Variants in CDH13 observed in about 807,000 individuals in gnomAD.
CDH13 encodes cadherin 13.
A neutral mutation model predicts 63.8 loss-of-function variants in CDH13; 24 were observed. The ratio of observed to expected loss-of-function variants is 0.38; its 90% CI spans 0.27 to 0.53. The LOEUF (loss-of-function observed/expected upper bound fraction) is 0.53, where lower values mean the gene tolerates loss of function less well. Among genes scored for constraint, CDH13 ranks in the 20% least tolerant of loss-of-function variants. The probability of loss-of-function intolerance (pLI) is 0.85; values close to 1 mark genes in which losing one functional copy is unlikely to be tolerated. For missense variants in CDH13, 1,049 were observed against 903.1 expected, an observed-to-expected ratio of 1.16 and a Z score of -2.07; for synonymous variants, 503 against 355.3, an observed-to-expected ratio of 1.42 and a Z score of -4.67.
intron 10 of CDH13, among the ~76,000 whole-genome samples, chr16:83,738,037 G>A (rs989431351): frequency 6.6e-6 from 1 of 152,196 alleles, no homozygotes; most frequent in African/African-American, 2.4e-5. Flanking sequence ...ATGAATGTGC[G>A]CTTCCAGTTG....
At chr16:82,764,440 T>A (rs1275052684) in intron 1 of CDH13, among the ~76,000 whole-genome samples, 2 of 152,182 alleles carry the variant, frequency 1.3e-5, no homozygotes, top group African/African-American at 4.8e-5. Flanking sequence ...GTCTCAAATC[T>A]ATGTTCAGAA....
At chr16:83,226,225 G>A (rs1196148039) in intron 5 of CDH13, among the ~76,000 whole-genome samples, 1 of 152,250 alleles carries the variant, frequency 6.6e-6, no homozygotes, top group East Asian at 1.9e-4. Context: ...TATCTGTCAG[G>A]TGCAGCTGGC....
At chr16:83,308,971 C>T (rs1023371072) in intron 5 of CDH13, among the ~76,000 whole-genome samples, 1 of 152,102 alleles carries the variant, frequency 6.6e-6, no homozygotes, top group Non-Finnish European at 1.5e-5. Context: ...CCAGGTCACA[C>T]TGGGTTGGTT....
intron 5 of CDH13, among the ~76,000 whole-genome samples, chr16:83,223,907 G>T (rs2039772653): frequency 6.6e-6 from 1 of 152,072 alleles, no homozygotes; most frequent in Admixed American, 6.6e-5. Flanking sequence ...CTTTAGTGGT[G>T]GTTTGTAAGA....
intron 5 of CDH13, among the ~76,000 whole-genome samples, chr16:83,340,543 A>C (rs889302417): frequency 1.3e-5 from 2 of 152,206 alleles, no homozygotes; most frequent in African/African-American, 4.8e-5. Flanking sequence ...TTCCATCTCC[A>C]ACCCCTGTGT....
At chr16:82,731,897 C>G (rs2033421960) in intron 1 of CDH13, among the ~76,000 whole-genome samples, 1 of 152,094 alleles carries the variant, frequency 6.6e-6, no homozygotes, top group African/African-American at 2.4e-5. Context: ...ACCAGAATAT[C>G]ACTGCTTGAA....
intron 10 of CDH13, among the ~76,000 whole-genome samples, chr16:83,730,189 A>G (rs1407912915): frequency 6.6e-6 from 1 of 152,244 alleles, no homozygotes; most frequent in Non-Finnish European, 1.5e-5. Context: ...AGGAGAAAAT[A>G]TAATTGTCGC....
intron 1 of CDH13, among the ~76,000 whole-genome samples, chr16:82,754,034 C>T (rs1408687315): frequency 6.6e-6 from 1 of 152,208 alleles, no homozygotes; most frequent in East Asian, 1.9e-4. Flanking sequence ...GGTTAGTGCT[C>T]ACGCTTCTGG....
At chr16:83,579,596 C>T (rs1905360552) in intron 7 of CDH13, among the ~76,000 whole-genome samples, 1 of 152,086 alleles carries the variant, frequency 6.6e-6, no homozygotes, top group Non-Finnish European at 1.5e-5. Flanking sequence ...CCAGGTTCCT[C>T]CTCCCACATT....
At chr16:83,162,232 C>T (rs2037478942) in intron 4 of CDH13, among the ~76,000 whole-genome samples, 1 of 152,048 alleles carries the variant, frequency 6.6e-6, no homozygotes, top group African/African-American at 2.4e-5. Context: ...CAGGCACTGA[C>T]TAGAAAATTT....
chr16:83,292,317 T>C (rs776888254), intron 5 of CDH13, among the ~76,000 whole-genome samples: 25 of 152,184 alleles, frequency 1.6e-4, no homozygotes, highest in Non-Finnish European at 2.2e-4. Context: ...AGTTCTGCTC[T>C]TCTTCTCATA....
At chr16:82,655,048 T>C (rs979744790) in intron 1 of CDH13, among the ~76,000 whole-genome samples, 1 of 152,236 alleles carries the variant, frequency 6.6e-6, no homozygotes, top group Admixed American at 6.5e-5. Flanking sequence ...AACTGGAGGA[T>C]GGAGTCCAAA....
At chr16:83,748,335 A>G in intron 11 of CDH13, 85 bp downstream of exon 11, 1 of 1,266,388 alleles carries the variant, frequency 7.9e-7, no homozygotes, top group Non-Finnish European at 1.1e-6. Context: ...TGATACACCC[A>G]GGGGTGTTCT....
At position 82,694,440 on chromosome 16, in the gene CDH13, G is replaced by A. The variant is rs900630181; in HGVS notation, c.45+67303G>A. ...ATAGACAATATTCATATTCTTCTTG[G>A]GTAATTGCCTTTTTAGCTGAATCAA... is the stretch of plus-strand genomic sequence containing the variant. On this transcript the variant is annotated intron_variant, in intron 1 of 13. Coordinates refer to ENST00000567109, the MANE Select transcript of CDH13 (RefSeq NM_001257.5). Among the ~76,000 whole-genome samples, 3 of 152,054 alleles carry A rather than the reference G, an allele frequency of 2.0e-5. No homozygotes were observed. The South Asian group carries it at 6.2e-4, about 32-fold the overall frequency.
At chr16:82,635,609 G>A (rs1054201500) in intron 1 of CDH13, among the ~76,000 whole-genome samples, 2 of 152,216 alleles carry the variant, frequency 1.3e-5, no homozygotes, top group Admixed American at 1.3e-4. Context: ...TAGCAAATGG[G>A]TTGGAGCTGG....
At chr16:82,891,758 G>T (rs927109942) in intron 2 of CDH13, among the ~76,000 whole-genome samples, 4 of 152,098 alleles carry the variant, frequency 2.6e-5, no homozygotes, top group African/African-American at 9.7e-5. Context: ...GTTTCCATAG[G>T]ACCAGGCAAC....
intron 10 of CDH13, among the ~76,000 whole-genome samples, chr16:83,695,297 C>A (rs938313287): frequency 2.0e-5 from 3 of 152,322 alleles, no homozygotes; most frequent in South Asian, 2.1e-4. Context: ...CATTTTGTGT[C>A]CAGCTCACAT....
At chr16:82,853,904 T>C (rs973809560) in intron 1 of CDH13, among the ~76,000 whole-genome samples, 7 of 152,322 alleles carry the variant, frequency 4.6e-5, no homozygotes, top group African/African-American at 1.4e-4. Context: ...CCAGGTAGTA[T>C]TTTTATGCAT....
chr16:82,769,694 G>A (rs79336323), intron 1 of CDH13, among the ~76,000 whole-genome samples: 11,739 of 152,238 alleles, frequency 0.077, 588 homozygotes, highest in East Asian at 0.23. Flanking sequence ...TTTACTTTAT[G>A]TTTGCAAATG....
Sources: allele counts gnomAD v4.1 joint callset (sites outside exome capture counted in the v4.1 genomes callset), GRCh38; gene constraint gnomAD v4.1.1; transcripts MANE v1.5; gene names NCBI Gene and HGNC (gene_info 2026-07-23, HGNC 2026-07-21).